MAX: variants seen among roughly 807,000 people sequenced by gnomAD.
MAX encodes the protein protein max.
A neutral mutation model predicts 22.3 loss-of-function variants in MAX; 3 were observed. That is an observed-to-expected ratio of 0.13 (90% CI 0.06 to 0.35). MAX has a LOEUF of 0.35. MAX is among the 10% of genes least tolerant of loss of function. MAX has a pLI of 1.00. For missense variants in MAX, 119 were observed against 209.4 expected (o/e 0.57, Z 2.66); for synonymous variants, 72 against 77.7 (o/e 0.93, Z 0.39).
chr14:65,013,678 G>T (rs994843446), intron 3 of MAX, among the ~76,000 whole-genome samples: 3 of 152,100 alleles, frequency 2.0e-5, no homozygotes, highest in Non-Finnish European at 2.9e-5. Flanking sequence ...CTTCTGAGTG[G>T]CCAGGATTAC....
intron 3 of MAX, among the ~76,000 whole-genome samples, chr14:65,042,855 C>A (rs1285419664): frequency 2.6e-5 from 4 of 152,216 alleles, no homozygotes; most frequent in African/African-American, 9.7e-5. Context: ...TAGCCCACTT[C>A]CATTACATGC....
At chr14:65,006,271 T>G (rs1215966835) in exon 4 of MAX, 16 of 1,613,316 alleles carry the variant, frequency 9.9e-6, no homozygotes, top group Middle Eastern at 3.3e-4. Flanking sequence ...GAGGGTTAAC[T>G]TCATCTTTGT....
At position 65,030,554 on chromosome 14, in the gene MAX, C is replaced by T. The variant is rs957800903; in HGVS notation, c.172-24270G>A. Among the ~76,000 whole-genome samples, 2 of 152,024 alleles carry T rather than the reference C, an allele frequency of 1.3e-5. No individual in the cohort carries two copies. Among genetic ancestry groups the T allele is most frequent in the Admixed American group, 1.3e-4 (2 of 15,260 alleles). Reference sequence around the variant, plus strand: ...AGGAGTTCAAGACCAACCTGGGTAACACAGCAAGACCCTGTCTCTACAAAA... The same window carrying T: ...AGGAGTTCAAGACCAACCTGGGTAATACAGCAAGACCCTGTCTCTACAAAA... On this transcript the variant is annotated intron_variant, in intron 3 of 3. Transcript: ENST00000341653. This position sits in a 1 kb window ranked among gnomAD's most constrained non-coding sequence, Gnocchi z 4.5.
chr14:65,037,748 ATTTATTTATTTATTTAT>A (rs2062240671), intron 3 of MAX, among the ~76,000 whole-genome samples: 20 of 75,716 alleles, frequency 2.6e-4, no homozygotes, highest in Admixed American at 6.7e-4. Flanking sequence ...TTTATTATTT[ATTTATTTATTTATTTAT>A]TTATTTATTT....
intron 3 of MAX, among the ~76,000 whole-genome samples, chr14:65,067,354 ATACAT>A (rs1245248529): frequency 2.6e-5 from 4 of 152,162 alleles, no homozygotes; most frequent in Non-Finnish European, 5.9e-5. Flanking sequence ...ACCAATTTTG[ATACAT>A]TACTAAAGAA....
chr14:65,023,330 A>G lies in MAX; in HGVS notation c.172-17046T>C, dbSNP rs1254843657. ...TCACCTCAGCCAAAGTGCTGGGATT[A>G]CAGGCATGAGCCACCACGCCTGGCC... On this transcript the variant is annotated intron_variant, in intron 3 of 3. Coordinates refer to the MAX transcript ENST00000341653. The surrounding 1 kb of genome is among the most constrained non-coding windows in gnomAD (Gnocchi z 4.1). Among the ~76,000 whole-genome samples, 1 of 152,220 alleles carries G rather than the reference A, an allele frequency of 6.6e-6. No homozygotes were observed. Among genetic ancestry groups the G allele is most frequent in the Non-Finnish European group, 1.5e-5 (1 of 68,044 alleles).
At chr14:65,065,133 A>G (rs1355914232) in intron 3 of MAX, among the ~76,000 whole-genome samples, 3 of 108,724 alleles carry the variant, frequency 2.8e-5, no homozygotes, top group Middle Eastern at 8.1e-3. Flanking sequence ...TGGACACTGT[A>G]TGACGGGGAA....
At chr14:65,053,311 C>A in intron 3 of MAX, 1 of 1,451,500 alleles carries the variant, frequency 6.9e-7, no homozygotes, top group South Asian at 1.5e-5. Context: ...TGATGTGCTG[C>A]CAGTGCCCTG....
chr14:65,006,201 T>C (rs774472429), exon 4 of MAX: 36 of 1,613,166 alleles, frequency 2.2e-5, no homozygotes, highest in Admixed American at 3.3e-5. Flanking sequence ...AAACTTTTTC[T>C]GATTAGCCAT....
rs1290190643 is a variant in MAX, at chr14:65,047,345, T to C, written c.172-41061A>G. ...GGCACTCACAAGGGTTAGTATGTGG[T>C]TGTGTGAATCCAGACTAGCTGGCAT... On this transcript the variant is annotated intron_variant, in intron 3 of 3. Transcript: ENST00000341653. The surrounding 1 kb of genome is among the most constrained non-coding windows in gnomAD (Gnocchi z 5.2). Among the ~76,000 whole-genome samples, 1 of 152,260 alleles carries C rather than the reference T, an allele frequency of 6.6e-6. No homozygotes were observed. Among genetic ancestry groups the C allele is most frequent in the Non-Finnish European group, 1.5e-5 (1 of 68,046 alleles).
At chr14:65,064,076 CA>C (rs2062906805) in intron 3 of MAX, among the ~76,000 whole-genome samples, 1 of 152,142 alleles carries the variant, frequency 6.6e-6, no homozygotes, top group Non-Finnish European at 1.5e-5. Context: ...AAGAGAACCT[CA>C]TGGATAATCA....
In MAX at chr14:65,057,866, T is replaced by TG. The variant is rs113792117; in HGVS notation, c.171+35841dup. ...TACCACACCCTCAAGTTTCCATACA[T>TG]GAAGGGGCCCTGTTTCTGGACTCTC... On this transcript the variant is annotated intron_variant, in intron 3 of 3. Coordinates refer to the MAX transcript ENST00000341653. 6.2e-3 allele frequency among the ~76,000 whole-genome samples: 948 copies of TG among 152,346 alleles called. 11 individuals carry two copies. Among genetic ancestry groups the TG allele is most frequent in the African/African-American group, 0.022 (897 of 41,578 alleles).
At chr14:65,094,380 T>C (rs527612290) in intron 2 of MAX, among the ~76,000 whole-genome samples, 3 of 152,226 alleles carry the variant, frequency 2.0e-5, no homozygotes, top group Non-Finnish European at 1.5e-5. Context: ...CTATAAAACC[T>C]AGATGCATGA....
At chr14:65,016,925 T>TG (rs2061785414) in intron 3 of MAX, among the ~76,000 whole-genome samples, 1 of 145,004 alleles carries the variant, frequency 6.9e-6, no homozygotes, top group Non-Finnish European at 1.5e-5. Flanking sequence ...ACGTGGTTTT[T>TG]TTTTTTTTTT....
Position 65,054,820 on chromosome 14 carries a change from G to A in MAX, c.171+38888C>T, listed in dbSNP as rs748002178. ...GAAGCTTGTGGTCCCTCTGCCCTTC[G>A]AGCTGTGCAGCCGTTAGTGAGGATG... is the stretch of plus-strand genomic sequence containing the variant. On this transcript the variant is annotated intron_variant, in intron 3 of 3. Coordinates refer to the MAX transcript ENST00000341653. This position sits in a 1 kb window ranked among gnomAD's most constrained non-coding sequence, Gnocchi z 4.4. 1.6e-4 allele frequency: 165 copies of A among 1,002,394 alleles called. No individual in the cohort carries two copies. The Admixed American group carries it at 2.6e-3, about 16-fold the overall frequency. 62.1% of individuals were successfully genotyped at this position (1,002,394 alleles called of 1,614,324 possible).
chr14:65,016,782 C>T (rs1184981153), intron 3 of MAX, among the ~76,000 whole-genome samples: 1 of 152,148 alleles, frequency 6.6e-6, no homozygotes, highest in Non-Finnish European at 1.5e-5. Flanking sequence ...ACGTAGGATG[C>T]TTTCTGAGGG....
rs118154125 is a variant in MAX at position 65,093,287 on chromosome 14, T to G, written c.171+421A>C. ...TTTTCACATACATTACACACATTTC[T>G]GCAAGTGCTCATTTACAATAAAGTA... On this transcript the variant is annotated intron_variant, in intron 3 of 4. Transcript: ENST00000358664. This position sits in a 1 kb window ranked among gnomAD's most constrained non-coding sequence, Gnocchi z 4.4. Among the ~76,000 whole-genome samples, 496 of 139,712 alleles carry G rather than the reference T, an allele frequency of 3.6e-3. 1 individual carries two copies. The highest frequency in any genetic ancestry group is 0.01 in the Middle Eastern group (3 of 288). The allele number at this position is 139,712 out of a possible 152,430, so 91.7% of individuals were successfully genotyped here.
chr14:65,051,780 T>C (rs1371195860), intron 3 of MAX, among the ~76,000 whole-genome samples: 1 of 151,866 alleles, frequency 6.6e-6, no homozygotes, highest in African/African-American at 2.4e-5. Context: ...TAAACTTTTA[T>C]AATTTTCACC....
chr14:65,036,121 C>T (rs916648275), intron 3 of MAX, among the ~76,000 whole-genome samples: 1 of 152,210 alleles, frequency 6.6e-6, no homozygotes, highest in Admixed American at 6.5e-5. Context: ...GTGTGAGCCA[C>T]GATGGCCAGC....
Sources: allele counts gnomAD v4.1 joint callset (sites outside exome capture counted in the v4.1 genomes callset), GRCh38; gene constraint gnomAD v4.1.1; non-coding constraint Gnocchi (gnomAD v3.1); transcripts MANE v1.5; gene names NCBI Gene and HGNC (gene_info 2026-07-23, HGNC 2026-07-21).